SWAP70: variants seen among roughly 807,000 people sequenced by gnomAD.
SWAP70 encodes switching B cell complex subunit SWAP70.
SWAP70 carries 34 observed loss-of-function variants against 80.2 expected under a neutral mutation model. The ratio of observed to expected loss-of-function variants is 0.42; its 90% confidence interval spans 0.32 to 0.56. SWAP70 has a LOEUF of 0.56. Ranked by LOEUF, SWAP70 falls within the 20% of genes least tolerant of loss-of-function variation. The pLI, the probability that SWAP70 is intolerant of heterozygous loss-of-function variation, is 0.09. For synonymous variants in SWAP70, 239 were observed against 238.5 expected, an observed-to-expected ratio of 1.00 and a Z score of -0.02; for missense variants, 578 against 690.7, an observed-to-expected ratio of 0.84 and a Z score of 1.83.
chr11:9,666,674 G>A (rs1330320459), intron 1 of SWAP70, among the ~76,000 whole-genome samples: 1 of 151,510 alleles, frequency 6.6e-6, no homozygotes, highest in African/African-American at 2.4e-5. Context: ...ATCTTAAGAG[G>A]AGAAGAAAAT....
intron 1 of SWAP70, among the ~76,000 whole-genome samples, chr11:9,685,019 C>T (rs959108639): frequency 2.0e-5 from 3 of 152,086 alleles, no homozygotes; most frequent in Admixed American, 6.6e-5. Flanking sequence ...AAATCATTTA[C>T]CTTCTTAAAA....
At position 9,695,296 on chromosome 11, in the gene SWAP70, G is replaced by GA. The variant is rs56131559; in HGVS notation, c.240+1023dup. Among the ~76,000 whole-genome samples, 406 of 129,378 alleles carry GA rather than the reference G, an allele frequency of 3.1e-3. 1 individual carries two copies. The highest frequency in any genetic ancestry group is 7.5e-3 in the African/African-American group (264 of 34,994). 84.9% of individuals were successfully genotyped at this position (129,378 alleles called of 152,430 possible). ...GCATCAAGAGCGAAAATCCGTGTCAGAAAAAAAAAAAAATACGTGCACACG... is the reference window on the plus strand; with the variant it reads ...GCATCAAGAGCGAAAATCCGTGTCAGAAAAAAAAAAAAAATACGTGCACACG... On this transcript the variant is annotated intron_variant, in intron 2 of 11. Coordinates refer to ENST00000318950, the MANE Select transcript of SWAP70 (RefSeq NM_015055.4).
intron 8 of SWAP70, among the ~76,000 whole-genome samples, chr11:9,738,688 C>CAA (rs10533145): frequency 6.1e-5 from 6 of 98,476 alleles, no homozygotes; most frequent in East Asian, 3.0e-4. Context: ...GCAATATCTA[C>CAA]AAAAAAAAAA....
chr11:9,724,916 A>G, intron 4 of SWAP70, 31 bp downstream of exon 4: 2 of 1,374,726 alleles, frequency 1.5e-6, no homozygotes, highest in Non-Finnish European at 2.0e-6. Flanking sequence ...TTTTTTTCTC[A>G]TCTTTAGAAT....
intron 2 of SWAP70, among the ~76,000 whole-genome samples, chr11:9,694,868 G>T (rs183901404): frequency 1.3e-3 from 193 of 152,296 alleles, no homozygotes; most frequent in African/African-American, 4.3e-3. Context: ...TGGAAATGTA[G>T]ATTAGTTCAA....
At chr11:9,707,132 A>T (rs1033769901) in intron 2 of SWAP70, among the ~76,000 whole-genome samples, 1 of 152,198 alleles carries the variant, frequency 6.6e-6, no homozygotes, top group Non-Finnish European at 1.5e-5. Context: ...ACTATTTTCT[A>T]TGAAAACTAT....
chr11:9,741,038 G>A (rs1057123965), intron 9 of SWAP70: 31 of 153,236 alleles, frequency 2.0e-4, no homozygotes, highest in African/African-American at 7.0e-4. Context: ...TAAGGTGTCT[G>A]GGATGGGAGA....
intron 1 of SWAP70, among the ~76,000 whole-genome samples, chr11:9,689,848 G>A (rs1296176376): frequency 2.0e-5 from 3 of 152,188 alleles, no homozygotes; most frequent in Admixed American, 1.3e-4. Flanking sequence ...AATAGTGCCT[G>A]TCATCTCTGT....
intron 6 of SWAP70, among the ~76,000 whole-genome samples, chr11:9,731,157 C>A (rs575661916): frequency 2.0e-4 from 30 of 152,032 alleles, no homozygotes; most frequent in Non-Finnish European, 4.3e-4. Context: ...TTAAAGTGTT[C>A]CATTATTCCA....
intron 3 of SWAP70, among the ~76,000 whole-genome samples, chr11:9,715,547 A>C (rs756455576): frequency 6.6e-6 from 1 of 152,190 alleles, no homozygotes; most frequent in Non-Finnish European, 1.5e-5. Flanking sequence ...GGCAATTTAT[A>C]TAAGAAAGAG....
chr11:9,744,400 G>T (rs550544917), intron 9 of SWAP70, among the ~76,000 whole-genome samples: 45 of 152,288 alleles, frequency 3.0e-4, no homozygotes, highest in Middle Eastern at 6.8e-3. Flanking sequence ...TCACATCAGG[G>T]TAAATGGGGT....
intron 1 of SWAP70, among the ~76,000 whole-genome samples, chr11:9,674,893 C>G (rs1033272917): frequency 1.3e-5 from 2 of 151,576 alleles, no homozygotes; most frequent in African/African-American, 4.9e-5. Flanking sequence ...GGTGTGAACC[C>G]GGGAGGCAGA....
At chr11:9,746,983 T>C (rs912609514) in intron 9 of SWAP70, among the ~76,000 whole-genome samples, 1 of 152,234 alleles carries the variant, frequency 6.6e-6, no homozygotes, top group Non-Finnish European at 1.5e-5. Context: ...TGACCAGTCA[T>C]GTGACTTGAC....
Position 9,752,545 on chromosome 11 carries a change from A to G in SWAP70, c.*2575A>G, listed in dbSNP as rs772502746. On this transcript the variant is annotated 3_prime_UTR_variant, in exon 12 of 12. Coordinates refer to ENST00000318950, the MANE Select transcript of SWAP70 (RefSeq NM_015055.4). ...ACTTGTGAATCAAAGATAGCACAGA[A>G]ATGAACTAAGTATATCCCATTTGGA... 6.6e-6 allele frequency: 1 copy of G among 152,266 alleles called. No individual in the cohort carries two copies. The allele number at this position is 152,266 out of a possible 1,614,324, so 9.4% of individuals were successfully genotyped here.
intron 1 of SWAP70, among the ~76,000 whole-genome samples, chr11:9,673,067 C>T (rs1850440261): frequency 6.6e-6 from 1 of 152,142 alleles, no homozygotes; most frequent in Admixed American, 6.5e-5. Context: ...GCTGGGTATC[C>T]TCCAGTTCAA....
chr11:9,675,147 G>T (rs940330827), intron 1 of SWAP70, among the ~76,000 whole-genome samples: 3 of 151,902 alleles, frequency 2.0e-5, no homozygotes, highest in South Asian at 2.1e-4. Context: ...AGTTAGAGAG[G>T]TATGGTGGCA....
intron 2 of SWAP70, among the ~76,000 whole-genome samples, chr11:9,698,690 C>T (rs973722551): frequency 2.0e-5 from 3 of 152,200 alleles, no homozygotes; most frequent in Non-Finnish European, 2.9e-5. Flanking sequence ...TAGGTGTGAG[C>T]CATTGTGCCC....
chr11:9,670,582 A>G (rs1462080612), intron 1 of SWAP70, among the ~76,000 whole-genome samples: 1 of 152,026 alleles, frequency 6.6e-6, no homozygotes, highest in Non-Finnish European at 1.5e-5. Context: ...AGAGCCATTG[A>G]CAGTCTTGGG....
rs569485375 is a variant in SWAP70, at chr11:9,706,458, A to T, written c.241-7008A>T. 1.2e-4 allele frequency among the ~76,000 whole-genome samples: 19 copies of T among 152,316 alleles called. No individual in the cohort carries two copies. The South Asian group carries it at 3.9e-3, about 32-fold the overall frequency. ...ATATACAAAATAATATTTGTAGGAT[A>T]TATGAAAATTATAAAGCATAATAAA... On this transcript the variant is annotated intron_variant, in intron 2 of 11. Transcript: ENST00000318950.
Sources: allele counts gnomAD v4.1 joint callset (sites outside exome capture counted in the v4.1 genomes callset), GRCh38; gene constraint gnomAD v4.1.1; transcripts MANE v1.5; gene names NCBI Gene and HGNC (gene_info 2026-07-23, HGNC 2026-07-21).